UNKL: variants seen among roughly 807,000 people sequenced by gnomAD.
UNKL encodes putative E3 ubiquitin-protein ligase UNKL.
A neutral mutation model predicts 78.0 loss-of-function variants in UNKL; 60 were observed. That is an observed-to-expected ratio of 0.77 (90% confidence interval 0.63 to 0.95). The LOEUF (loss-of-function observed/expected upper bound fraction) is 0.95. Among genes scored for constraint, UNKL ranks in the 40% least tolerant of loss-of-function variants. UNKL has a pLI of 0.00. For missense variants in UNKL, 1,159 were observed against 1,045.7 expected, an observed-to-expected ratio of 1.11 and a Z score of -1.49; for synonymous variants, 608 against 474.8, an observed-to-expected ratio of 1.28 and a Z score of -3.65.
chr16:1,371,624 C>G lies in UNKL; in HGVS notation c.1265-13G>C, dbSNP rs1392475236. 3 of 1,535,222 alleles carry G rather than the reference C, an allele frequency of 2.0e-6. No individual in the cohort carries two copies. The highest frequency in any genetic ancestry group is 3.9e-5 in the Admixed American group (2 of 50,954). On this transcript the variant is annotated splice_polypyrimidine_tract_variant and intron_variant, in intron 10 of 14. Transcript: ENST00000389221. ...TCTAACGCAGAACCTGTCAACAGAGCCCCCCATCATCCACAGCCCACCCAG... is the reference window on the plus strand; with the variant it reads ...TCTAACGCAGAACCTGTCAACAGAGGCCCCCATCATCCACAGCCCACCCAG...
At chr16:1,384,199 A>AGGTGTCCCCCACCACCCCAACACGGTG (rs780593200) in intron 10 of UNKL, among the ~76,000 whole-genome samples, 1 of 151,922 alleles carries the variant, frequency 6.6e-6, no homozygotes, top group African/African-American at 2.4e-5. Flanking sequence ...GGGTGTGGCC[A>AGGTGTCCCCCACCACCCCAACACGGTG]GGTGTCCCCC....
intron 14 of UNKL, among the ~76,000 whole-genome samples, chr16:1,366,785 A>C (rs983484476): frequency 1.3e-5 from 2 of 151,770 alleles, no homozygotes; most frequent in African/African-American, 4.8e-5. Context: ...TGGAGGGGTC[A>C]TGTGTGAGGG....
rs1172664429 is a variant in UNKL, at chr16:1,371,629, C to T, written c.1265-18G>A. 7 of 1,535,352 alleles carry T rather than the reference C, an allele frequency of 4.6e-6. No individual in the cohort carries two copies. The highest frequency in any genetic ancestry group is 6.1e-6 in the Non-Finnish European group (7 of 1,146,276). ...CGCAGAACCTGTCAACAGAGCCCCCCATCATCCACAGCCCACCCAGCGCTG... is the reference window on the plus strand; with the variant it reads ...CGCAGAACCTGTCAACAGAGCCCCCTATCATCCACAGCCCACCCAGCGCTG... On this transcript the variant is annotated intron_variant, in intron 10 of 14. Transcript: ENST00000389221.
intron 2 of UNKL, among the ~76,000 whole-genome samples, chr16:1,406,794 G>A (rs930157077): frequency 6.6e-6 from 1 of 152,082 alleles, no homozygotes; most frequent in Non-Finnish European, 1.5e-5. Context: ...AGGTCCTAAG[G>A]CATTCAACAT....
At chr16:1,413,562 C>T (rs2038143842) in intron 2 of UNKL, among the ~76,000 whole-genome samples, 1 of 152,192 alleles carries the variant, frequency 6.6e-6, no homozygotes, top group East Asian at 1.9e-4. Context: ...GAGTGAAACT[C>T]CGTCTCAAAA....
At chr16:1,395,708 G>A (rs141907227) in intron 6 of UNKL, 2 of 456,562 alleles carry the variant, frequency 4.4e-6, no homozygotes, top group African/African-American at 2.0e-5. Context: ...TGTGGCCCAC[G>A]TGGTGCCAGC....
chr16:1,383,108 A>AG (rs1025748115), intron 10 of UNKL, among the ~76,000 whole-genome samples: 1 of 149,980 alleles, frequency 6.7e-6, no homozygotes, highest in African/African-American at 2.5e-5. Flanking sequence ...AAATACAAAA[A>AG]AAAAAAAAAA....
At chr16:1,376,008 C>T (rs368801310) in intron 10 of UNKL, among the ~76,000 whole-genome samples, 4 of 152,216 alleles carry the variant, frequency 2.6e-5, no homozygotes, top group Non-Finnish European at 4.4e-5. Context: ...ACGCACTGAG[C>T]GGCCTTGGAC....
chr16:1,383,622 G>A (rs1351616071), intron 10 of UNKL: 6 of 409,914 alleles, frequency 1.5e-5, no homozygotes, highest in African/African-American at 4.1e-5. Flanking sequence ...GGCCGGCATC[G>A]TCTAGGAGTT....
intron 2 of UNKL, among the ~76,000 whole-genome samples, chr16:1,410,532 G>T (rs927196142): frequency 2.0e-5 from 3 of 152,048 alleles, no homozygotes; most frequent in Non-Finnish European, 4.4e-5. Context: ...GCTTGAACCC[G>T]GGAGGTAGAG....
At position 1,367,319 on chromosome 16, in the gene UNKL, C is replaced by G; in HGVS notation, c.1819G>C (p.Glu607Gln). The G allele has an allele frequency of 6.5e-7, 1 of 1,549,646 alleles. No individual in the cohort carries two copies. Among genetic ancestry groups the G allele is most frequent in the South Asian group, 1.2e-5 (1 of 84,434 alleles). ...VCDAWQREAQEAKERARVADS... is the reference protein window; with the variant it reads ...VCDAWQREAQQAKERARVADS... Reference sequence around the variant, plus strand: ...GCCACACGGGCACGCTCCTTGGCCTCCTGCGCCTCTCGCTGCCAGGCATCG... The same window carrying G: ...GCCACACGGGCACGCTCCTTGGCCTGCTGCGCCTCTCGCTGCCAGGCATCG... The change falls in exon 14 of 15, where the codon GAG becomes CAG. Residue 607 changes from glutamate to glutamine, a missense_variant. Transcript: ENST00000389221.
chr16:1,377,018 C>T (rs567477115), intron 10 of UNKL, among the ~76,000 whole-genome samples: 1 of 152,104 alleles, frequency 6.6e-6, no homozygotes, highest in South Asian at 2.1e-4. Context: ...CATCTTCCCC[C>T]GCCACACCCA....
rs555263113 is a variant in UNKL, at chr16:1,387,343, G to A, written c.1087-1958C>T. On this transcript the variant is annotated intron_variant, in intron 9 of 14. Coordinates refer to ENST00000389221, the MANE Select transcript of UNKL (RefSeq NM_001372107.1). The surrounding 1 kb of genome is among the most constrained non-coding windows in gnomAD (Gnocchi z 4.1). ...CCAGCAAGCAGCCCAGAAACACTAT[G>A]GGTGATTCGAGACCTGGTGCCATCT... 6.6e-6 allele frequency among the ~76,000 whole-genome samples: 1 copy of A among 152,296 alleles called. No homozygotes were observed. The highest frequency in any genetic ancestry group is 1.9e-4 in the East Asian group (1 of 5,188).
At position 1,403,361 on chromosome 16, in the gene UNKL, C is replaced by T. The variant is rs2037616167; in HGVS notation, c.288-17G>A. 1 of 1,611,830 alleles carries T rather than the reference C, an allele frequency of 6.2e-7. No homozygotes were observed. The highest frequency in any genetic ancestry group is 1.7e-5 in the Admixed American group (1 of 59,808). ...TAGGGACACCTGGGGAGCAGAGAGGCACGCAATGCCTGGTTATCATGGACC... is the reference window on the plus strand; with the variant it reads ...TAGGGACACCTGGGGAGCAGAGAGGTACGCAATGCCTGGTTATCATGGACC... On this transcript the variant is annotated splice_polypyrimidine_tract_variant and intron_variant, in intron 2 of 14. Coordinates refer to ENST00000389221, the MANE Select transcript of UNKL (RefSeq NM_001372107.1). This position sits in a 1 kb window ranked among gnomAD's most constrained non-coding sequence, Gnocchi z 4.8.
rs1040999470 is a variant in UNKL, at chr16:1,379,796, G to C, written c.1264+5412C>G. 4 of 758,586 alleles carry C rather than the reference G, an allele frequency of 5.3e-6. No homozygotes were observed. The South Asian group carries it at 1.8e-4, about 34-fold the overall frequency. 47.0% of individuals were successfully genotyped at this position (758,586 alleles called of 1,614,324 possible). On this transcript the variant is annotated intron_variant, in intron 10 of 14. Coordinates refer to ENST00000389221, the MANE Select transcript of UNKL (RefSeq NM_001372107.1). ...GCTGCCCTCCCCCAACCTTCCCCCC[G>C]ACTCGGGCGCACCCGGTCCCCGCGG... is the stretch of plus-strand genomic sequence containing the variant.
chr16:1,412,092 T>C lies in UNKL; in HGVS notation c.287+1754A>G, dbSNP rs1480126451. The C allele has an allele frequency of 2.0e-5, 3 of 152,112 alleles. No individual in the cohort carries two copies. The East Asian group carries it at 5.8e-4, about 29-fold the overall frequency. 9.4% of individuals were successfully genotyped at this position (152,112 alleles called of 1,614,324 possible). ...CTGCTGTCTCACCCCTAGGCAGGAA[T>C]GGACCACCCTCCGCCCTCCACCCTC... is the stretch of plus-strand genomic sequence containing the variant. On this transcript the variant is annotated intron_variant, in intron 2 of 14. Coordinates refer to ENST00000389221, the MANE Select transcript of UNKL (RefSeq NM_001372107.1).
intron 10 of UNKL, among the ~76,000 whole-genome samples, 164 bp downstream of exon 10, chr16:1,385,044 C>A (rs111847085): frequency 6.6e-6 from 1 of 152,258 alleles, no homozygotes; most frequent in African/African-American, 2.4e-5. Flanking sequence ...CACAACCACA[C>A]GTGCAACACA....
At chr16:1,380,466 C>T (rs529506714) in intron 10 of UNKL, among the ~76,000 whole-genome samples, 4 of 152,264 alleles carry the variant, frequency 2.6e-5, no homozygotes, top group African/African-American at 9.6e-5. Flanking sequence ...AGGACACTGC[C>T]TCCAGTGCCT....
At chr16:1,380,074 G>A (rs964347094) in intron 10 of UNKL, among the ~76,000 whole-genome samples, 1 of 152,228 alleles carries the variant, frequency 6.6e-6, no homozygotes, top group Non-Finnish European at 1.5e-5. Flanking sequence ...TGCCTGCCCA[G>A]CCCCATCTAA....
Sources: allele counts gnomAD v4.1 joint callset (sites outside exome capture counted in the v4.1 genomes callset), GRCh38; gene constraint gnomAD v4.1.1; non-coding constraint Gnocchi (gnomAD v3.1); transcripts MANE v1.5; gene names NCBI Gene and HGNC (gene_info 2026-07-23, HGNC 2026-07-21).